LEPR: variants seen among roughly 807,000 people sequenced by gnomAD.
LEPR encodes the protein OB receptor.
In LEPR, 56 loss-of-function variants were observed where a neutral mutation model predicts 114.7. The observed-to-expected ratio is 0.49, with a 90% CI of 0.39 to 0.61. The LOEUF (loss-of-function observed/expected upper bound fraction) is 0.61, where lower values mean the gene tolerates loss of function less well. LEPR is among the 20% of genes least tolerant of loss of function. LEPR has a pLI of 0.00. For synonymous variants in LEPR, 443 were observed against 461.4 expected (o/e 0.96, Z 0.51); for missense variants, 1,202 against 1,352.9 (o/e 0.89, Z 1.75).
chr1:65,630,327 T>TAA (rs771644105), intron 19 of LEPR: 3 of 231,920 alleles, frequency 1.3e-5, no homozygotes, highest in Non-Finnish European at 1.7e-5. Flanking sequence ...TTTGTTCACT[T>TAA]GTTTATCTGC....
chr1:65,502,289 G>A (rs1204310683), intron 2 of LEPR, among the ~76,000 whole-genome samples: 1 of 152,072 alleles, frequency 6.6e-6, no homozygotes, highest in East Asian at 1.9e-4. Context: ...GCACCCAGAG[G>A]AAAGACCATT....
At chr1:65,480,216 A>G (rs1159037997) in intron 2 of LEPR, among the ~76,000 whole-genome samples, 1 of 151,946 alleles carries the variant, frequency 6.6e-6, no homozygotes, top group Non-Finnish European at 1.5e-5. Flanking sequence ...AAATAAAACA[A>G]TTCCTATGGT....
intron 2 of LEPR, among the ~76,000 whole-genome samples, chr1:65,523,221 C>G (rs1649724196): frequency 6.6e-6 from 1 of 152,198 alleles, no homozygotes; most frequent in South Asian, 2.1e-4. Flanking sequence ...AACTCAAACA[C>G]AAGTTGAGGG....
intron 2 of LEPR, among the ~76,000 whole-genome samples, chr1:65,498,343 C>T (rs1323326874): frequency 6.6e-6 from 1 of 152,086 alleles, no homozygotes; most frequent in Admixed American, 6.6e-5. Context: ...AGGGCTTTCC[C>T]CCTTTTCTTT....
intron 6 of LEPR, among the ~76,000 whole-genome samples, chr1:65,593,228 T>C (rs1279092543): frequency 6.6e-6 from 1 of 152,098 alleles, no homozygotes; most frequent in Non-Finnish European, 1.5e-5. Context: ...AGGCTCATGT[T>C]TGTCAGAGAC....
intron 2 of LEPR, chr1:65,435,526 C>G (rs1410537986): frequency 5.1e-6 from 2 of 390,568 alleles, no homozygotes; most frequent in African/African-American, 2.2e-5. Flanking sequence ...CGCCACCACG[C>G]CTGGCTAATT....
rs559903220 is a variant in LEPR at position 65,431,674 on chromosome 1, CATT to C, written c.-21+6301_-21+6303del. ...CTGAACAGTTCATTGTCTCCTGTTA[CATT>C]ATTAAGCCTTTTAGCAGCTTTGTGT... On this transcript the variant is annotated intron_variant, in intron 2 of 19. Coordinates refer to ENST00000349533, the MANE Select transcript of LEPR (RefSeq NM_002303.6). 321 of 888,916 alleles carry C rather than the reference CATT, an allele frequency of 3.6e-4. 1 individual carries two copies. Among genetic ancestry groups the C allele is most frequent in the Non-Finnish European group, 5.1e-4 (299 of 590,028 alleles). The allele number at this position is 888,916 out of a possible 1,614,324, so 55.1% of individuals were successfully genotyped here. A position where few individuals can be genotyped will look rare whatever the true frequency, so the allele number is the denominator to read the frequency against.
chr1:65,472,243 T>C (rs1647093372), intron 2 of LEPR, among the ~76,000 whole-genome samples: 1 of 151,336 alleles, frequency 6.6e-6, no homozygotes, highest in South Asian at 2.1e-4. Flanking sequence ...CATGCTAGAG[T>C]GAGGTAGTAA....
chr1:65,448,047 C>T (rs979742992), intron 2 of LEPR, among the ~76,000 whole-genome samples: 4 of 152,100 alleles, frequency 2.6e-5, no homozygotes, highest in African/African-American at 9.7e-5. Context: ...CTAGGATTTC[C>T]AATATGATGT....
At chr1:65,582,262 A>G (rs989759795) in intron 5 of LEPR, among the ~76,000 whole-genome samples, 3 of 152,256 alleles carry the variant, frequency 2.0e-5, no homozygotes, top group Admixed American at 1.3e-4. Context: ...TGTGGGGTGG[A>G]ATGGGAAAGG....
chr1:65,480,965 A>C (rs1339423694), intron 2 of LEPR, among the ~76,000 whole-genome samples: 1 of 152,238 alleles, frequency 6.6e-6, no homozygotes, highest in Non-Finnish European at 1.5e-5. Context: ...CTTATAACAA[A>C]ATACCATAGA....
chr1:65,548,878 T>C (rs1652020304), intron 2 of LEPR, among the ~76,000 whole-genome samples: 1 of 152,258 alleles, frequency 6.6e-6, no homozygotes, highest in Non-Finnish European at 1.5e-5. Context: ...TTTTGTTCAT[T>C]AGTTGATGCA....
chr1:65,460,057 CTT>C lies in LEPR; in HGVS notation c.-21+34692_-21+34693del, dbSNP rs376057328. 5.2e-3 allele frequency among the ~76,000 whole-genome samples: 756 copies of C among 144,736 alleles called. 8 individuals are homozygous for C. Among genetic ancestry groups the C allele is most frequent in the African/African-American group, 0.018 (709 of 39,516 alleles). 95.0% of individuals were successfully genotyped at this position (144,736 alleles called of 152,430 possible). On this transcript the variant is annotated intron_variant, in intron 2 of 19. Transcript: ENST00000349533. ...TCACGGTACTTATCACTAAATTATC[CTT>C]TTTTTTTTTTTTACTATGTTCTTAT...
chr1:65,420,662 T>A, upstream of LEPR: 1 of 1,551,174 alleles, frequency 6.4e-7, no homozygotes, highest in South Asian at 1.2e-5. Context: ...CCGGTCTGGC[T>A]TGGGCAGGCT....
At chr1:65,526,019 G>A (rs1649933763) in intron 2 of LEPR, 2 of 837,312 alleles carry the variant, frequency 2.4e-6, no homozygotes, top group Non-Finnish European at 1.4e-6. Flanking sequence ...GTGCGACGCC[G>A]GGCGACTCTC....
chr1:65,488,198 T>TTC lies in LEPR; in HGVS notation c.-21+62822_-21+62823dup, dbSNP rs1491230036. On this transcript the variant is annotated intron_variant, in intron 2 of 19. Transcript: ENST00000349533. ...TTTCTTTCTTTCTTTCTTTCTTTCTTTCTTTCTTTCTTTCTCTCTCTCTCT... is the reference window on the plus strand; with the variant it reads ...TTTCTTTCTTTCTTTCTTTCTTTCTTTCTCTTTCTTTCTTTCTCTCTCTCTCT... 8.1e-3 allele frequency among the ~76,000 whole-genome samples: 198 copies of TTC among 24,584 alleles called. 6 individuals carry two copies. Among genetic ancestry groups the TTC allele is most frequent in the South Asian group, 0.011 (6 of 566 alleles). 16.1% of individuals were successfully genotyped at this position (24,584 alleles called of 152,430 possible).
At chr1:65,519,575 T>C (rs142687930) in intron 2 of LEPR, among the ~76,000 whole-genome samples, 37 of 152,228 alleles carry the variant, frequency 2.4e-4, no homozygotes, top group African/African-American at 8.7e-4. Context: ...AGCAGAGTTG[T>C]TAACATCCAT....
chr1:65,601,624 AG>A lies in LEPR; in HGVS notation c.1228del (p.Val410CysfsTer18). On this transcript the variant is annotated frameshift_variant, in exon 9 of 20. Coordinates refer to ENST00000349533, the MANE Select transcript of LEPR (RefSeq NM_002303.6). LOFTEE classifies it high-confidence loss of function. ...KPRGKFTYDA[V>X]YCCNEHECHH... ...CTCGAGGAAAGTTTACCTATGATGCAGTGTACTGCTGCAATGAACATGAATG... is the reference window on the plus strand; with the variant it reads ...CTCGAGGAAAGTTTACCTATGATGCATGTACTGCTGCAATGAACATGAATG... The A allele has an allele frequency of 6.2e-7, 1 of 1,613,736 alleles. No homozygotes were observed. Among genetic ancestry groups the A allele is most frequent in the African/African-American group, 1.3e-5 (1 of 75,028 alleles).
In LEPR at chr1:65,567,497, T is replaced by G. The variant is rs1261861785; in HGVS notation, c.40+1892T>G. Among the ~76,000 whole-genome samples the G allele has an allele frequency of 5.9e-5, 9 of 152,342 alleles. No individual in the cohort carries two copies. In the East Asian group the frequency reaches 1.2e-3, roughly 20 times the overall value. On this transcript the variant is annotated intron_variant, in intron 3 of 19. Coordinates refer to ENST00000349533, the MANE Select transcript of LEPR (RefSeq NM_002303.6). The stretch of plus-strand genomic sequence containing the variant: ...ACATAATTGTAATATGGATTTACTT[T>G]TGGTAATGTTGTGATACCTAATTGT...
Sources: allele counts gnomAD v4.1 joint callset (sites outside exome capture counted in the v4.1 genomes callset), GRCh38; gene constraint gnomAD v4.1.1; transcripts MANE v1.5; gene names NCBI Gene and HGNC (gene_info 2026-07-23, HGNC 2026-07-21).